The following CDC14A variants were observed in gnomAD, a reference collection of about 807,000 sequenced individuals.
The protein encoded by CDC14A is cell division cycle 14A, also known as dual specificity protein phosphatase CDC14A.
In CDC14A, 53 loss-of-function variants were observed where a neutral mutation model predicts 74.4. The ratio of observed to expected loss-of-function variants is 0.71; its 90% CI spans 0.57 to 0.89. The LOEUF (loss-of-function observed/expected upper bound fraction) is 0.89. Among genes scored for constraint, CDC14A ranks in the 40% least tolerant of loss-of-function variants. The probability of loss-of-function intolerance (pLI) is 0.00; values close to 1 mark genes in which losing one functional copy is unlikely to be tolerated. For synonymous variants in CDC14A, 247 were observed against 258.4 expected, an observed-to-expected ratio of 0.96 and a Z score of 0.43; for missense variants, 646 against 713.7, an observed-to-expected ratio of 0.91 and a Z score of 1.08.
chr1:100,427,701 T>C (rs1191103582), intron 5 of CDC14A, among the ~76,000 whole-genome samples: 1 of 152,200 alleles, frequency 6.6e-6, no homozygotes, highest in African/African-American at 2.4e-5. Context: ...AAAATATATT[T>C]ATTGCTTTTT....
intron 10 of CDC14A, among the ~76,000 whole-genome samples, chr1:100,473,754 T>C (rs562106925): frequency 6.6e-6 from 1 of 152,326 alleles, no homozygotes; most frequent in African/African-American, 2.4e-5. Flanking sequence ...TGTGTGTGTG[T>C]GTATGTATGT....
chr1:100,361,426 C>T lies in CDC14A; in HGVS notation c.140+7574C>T, dbSNP rs1183850637. On this transcript the variant is annotated intron_variant, in intron 2 of 15. Coordinates refer to ENST00000336454, the MANE Select transcript of CDC14A (RefSeq NM_003672.4). ...TTATTGCTACCCAGGGTGATAAGCA[C>T]TGAGCTAGTTTTTGAAGGGTGTATA... 5.3e-4 allele frequency among the ~76,000 whole-genome samples: 81 copies of T among 152,158 alleles called. 1 individual carries two copies. The highest frequency in any genetic ancestry group is 5.3e-3 in the Admixed American group (81 of 15,270).
At chr1:100,456,437 C>CCTTTTTTT (rs1553188027) in intron 8 of CDC14A, among the ~76,000 whole-genome samples, 1 of 150,742 alleles carries the variant, frequency 6.6e-6, no homozygotes, top group African/African-American at 2.4e-5. Flanking sequence ...ATCCCCCCCC[C>CCTTTTTTT]TTTTTTTTTC....
At chr1:100,483,923 T>C (rs900178231) in intron 10 of CDC14A, among the ~76,000 whole-genome samples, 11 of 152,192 alleles carry the variant, frequency 7.2e-5, no homozygotes, top group Non-Finnish European at 1.3e-4. Context: ...TTCTCTCTGT[T>C]TTTATAAATA....
chr1:100,397,720 A>G (rs1658704471), intron 4 of CDC14A, among the ~76,000 whole-genome samples: 1 of 152,206 alleles, frequency 6.6e-6, no homozygotes, highest in South Asian at 2.1e-4. Flanking sequence ...GGATGCTTAA[A>G]CAGAGGTGGT....
chr1:100,420,063 C>CTATATAT (rs1553180531), intron 4 of CDC14A, among the ~76,000 whole-genome samples: 1 of 61,566 alleles, frequency 1.6e-5, no homozygotes, highest in South Asian at 8.9e-4. Context: ...CACACACACA[C>CTATATAT]ATATATATAT....
intron 3 of CDC14A, among the ~76,000 whole-genome samples, chr1:100,379,967 C>G (rs1655866698): frequency 1.3e-5 from 2 of 152,138 alleles, no homozygotes; most frequent in Admixed American, 6.6e-5. Flanking sequence ...GGATCTGCCC[C>G]CATGACCCAA....
chr1:100,427,210 A>G (rs529123613), intron 5 of CDC14A, among the ~76,000 whole-genome samples: 1 of 152,318 alleles, frequency 6.6e-6, no homozygotes, highest in East Asian at 1.9e-4. Context: ...CTGATATATT[A>G]ACACTTTTAA....
At chr1:100,466,762 C>T (rs575205574) in intron 9 of CDC14A, among the ~76,000 whole-genome samples, 1 of 150,396 alleles carries the variant, frequency 6.6e-6, no homozygotes. Flanking sequence ...CCCAGCTACT[C>T]GGGAGGCTAA....
intron 2 of CDC14A, among the ~76,000 whole-genome samples, chr1:100,370,654 G>A (rs919925175): frequency 1.3e-5 from 2 of 152,082 alleles, no homozygotes; most frequent in African/African-American, 4.8e-5. Flanking sequence ...TCTCTATAAT[G>A]TTCCATTGTT....
At chr1:100,451,215 G>A (rs1231493653) in intron 7 of CDC14A, among the ~76,000 whole-genome samples, 1 of 152,186 alleles carries the variant, frequency 6.6e-6, no homozygotes, top group African/African-American at 2.4e-5. Flanking sequence ...CATTGGAGTG[G>A]CATCTGCAAA....
intron 3 of CDC14A, among the ~76,000 whole-genome samples, chr1:100,387,829 C>T (rs998852375): frequency 2.6e-5 from 4 of 151,934 alleles, no homozygotes; most frequent in African/African-American, 7.3e-5. Flanking sequence ...AGAGAAAAAA[C>T]GAAACCAAGT....
chr1:100,512,287 T>G (rs899259204), intron 15 of CDC14A, among the ~76,000 whole-genome samples: 18 of 152,122 alleles, frequency 1.2e-4, no homozygotes, highest in African/African-American at 4.3e-4. Context: ...GGTTCCACAG[T>G]ACAGTATAAG....
intron 2 of CDC14A, among the ~76,000 whole-genome samples, chr1:100,359,338 A>G (rs986795731): frequency 2.0e-5 from 3 of 152,228 alleles, no homozygotes; most frequent in South Asian, 2.1e-4. Context: ...GCCTAAGGTC[A>G]CTGAGCTGGT....
At chr1:100,355,580 T>A (rs648333) in intron 2 of CDC14A, among the ~76,000 whole-genome samples, 151,321 of 152,300 alleles carry the variant, frequency 0.99, 75,176 homozygotes, top group East Asian at 1. Context: ...TGCTGGAGAA[T>A]CCATCCAATT....
intron 4 of CDC14A, among the ~76,000 whole-genome samples, chr1:100,420,063 C>CATATATATATATATATATAT (rs1553180578): frequency 0.01 from 631 of 61,346 alleles, 12 homozygotes; most frequent in East Asian, 0.03. Flanking sequence ...CACACACACA[C>CATATATATATATATATATAT]ATATATATAT....
In CDC14A at chr1:100,496,036, T is replaced by A; in HGVS notation, c.1285T>A (p.Ser429Thr). 6.2e-7 allele frequency: 1 copy of A among 1,613,820 alleles called. No individual in the cohort carries two copies. Among genetic ancestry groups the A allele is most frequent in the African/African-American group, 1.3e-5 (1 of 75,056 alleles). ...TACAAAAGGACATCCAAGAGCAGTGTCCCAGCCTTTCAGGTACTGCCAATG... is the reference window on the plus strand; with the variant it reads ...TACAAAAGGACATCCAAGAGCAGTGACCCAGCCTTTCAGGTACTGCCAATG... ...DDTKGHPRAV[S>T]QPFRLSSSLQ... The change falls in exon 13 of 16, where the codon TCC (serine) becomes ACC (threonine). Residue 429 changes from serine to threonine, a missense_variant. Coordinates refer to ENST00000336454, the MANE Select transcript of CDC14A (RefSeq NM_003672.4).
chr1:100,362,019 G>A (rs1402599883), intron 2 of CDC14A, among the ~76,000 whole-genome samples: 1 of 152,178 alleles, frequency 6.6e-6, no homozygotes, highest in African/African-American at 2.4e-5. Context: ...TCTGGCTTGG[G>A]TGACTGGGAG....
chr1:100,349,294 C>T (rs188144700), upstream of CDC14A, among the ~76,000 whole-genome samples: 7 of 152,174 alleles, frequency 4.6e-5, no homozygotes, highest in South Asian at 6.2e-4. Context: ...TGCAGTTGAG[C>T]GATATGTAAA....
Sources: gnomAD v4.1 joint callset for allele counts (sites outside exome capture counted in the v4.1 genomes callset) on GRCh38, gnomAD v4.1.1 for gene constraint, MANE v1.5 for transcripts, NCBI Gene and HGNC (gene_info 2026-07-23, HGNC 2026-07-21) for gene names.